WASF2: variants seen among roughly 807,000 people sequenced by gnomAD.
WASF2 encodes the protein actin-binding protein WASF2.
WASF2 carries 14 observed loss-of-function variants against 45.0 expected under a neutral mutation model. The ratio of observed to expected loss-of-function variants is 0.31; its 90% CI spans 0.21 to 0.49. WASF2 has a LOEUF of 0.49. WASF2 is among the 20% of genes least tolerant of loss of function. The pLI is 0.99. For synonymous variants in WASF2, 200 were observed against 236.3 expected, an observed-to-expected ratio of 0.85 and a Z score of 1.41; for missense variants, 439 against 636.1, an observed-to-expected ratio of 0.69 and a Z score of 3.33.
At chr1:27,443,905 T>C (rs944584519) in intron 1 of WASF2, among the ~76,000 whole-genome samples, 7 of 151,938 alleles carry the variant, frequency 4.6e-5, no homozygotes, top group African/African-American at 1.7e-4. Context: ...CTCAGCCTCA[T>C]GAGTAGCTGG....
intron 1 of WASF2, among the ~76,000 whole-genome samples, chr1:27,444,348 G>C (rs929728128): frequency 6.6e-6 from 1 of 152,154 alleles, no homozygotes; most frequent in African/African-American, 2.4e-5. Context: ...CCAAAGAGCT[G>C]GGATTACAGG....
chr1:27,412,629 G>T lies in WASF2; in HGVS notation c.767C>A (p.Ser256Tyr), dbSNP rs1203618781. Residue 256 changes from serine (S) to tyrosine (Y), a missense_variant, in exon 7 of 9, where the codon TCT (serine) becomes TAT (tyrosine). Physicochemically the swap from Ser to Tyr is moderately radical, Grantham distance 144. This residue lies in a region of WASF2 where 286 missense variants were observed against 373.5 expected (regional missense o/e 0.77). Coordinates refer to ENST00000618852, the MANE Select transcript of WASF2 (RefSeq NM_006990.5). ...YPPPPQSDSASSPSPSFSEDN... is the reference protein window; with the variant it reads ...YPPPPQSDSAYSPSPSFSEDN... ...CTCGGAGAAGGAAGGAGAAGGTGAAGAAGCAGAGTCTGACTGTGGTGGTGG... is the reference window on the plus strand; with the variant it reads ...CTCGGAGAAGGAAGGAGAAGGTGAATAAGCAGAGTCTGACTGTGGTGGTGG... 1 of 1,614,264 alleles carries T rather than the reference G, an allele frequency of 6.2e-7. No homozygotes were observed.
intron 1 of WASF2, among the ~76,000 whole-genome samples, chr1:27,480,757 G>A (rs537929875): frequency 3.2e-4 from 49 of 152,302 alleles, no homozygotes; most frequent in African/African-American, 1.1e-3. Context: ...GCTCACGCCT[G>A]TAATCCCAGC....
intron 1 of WASF2, among the ~76,000 whole-genome samples, chr1:27,430,913 C>T (rs1362185699): frequency 2.0e-5 from 3 of 151,324 alleles, no homozygotes; most frequent in African/African-American, 7.3e-5. Flanking sequence ...TTAAACCAAA[C>T]TAAATATTAC....
intron 1 of WASF2, among the ~76,000 whole-genome samples, chr1:27,485,858 T>G (rs1178474413): frequency 6.6e-6 from 1 of 152,136 alleles, no homozygotes; most frequent in African/African-American, 2.4e-5. Flanking sequence ...ATTACAGGCG[T>G]GCACCACCAC....
rs1167272071 is a variant in WASF2 at position 27,408,139 on chromosome 1, A to G, written c.*50T>C. The G allele has an allele frequency of 6.3e-7, 1 of 1,588,216 alleles. No individual in the cohort carries two copies. Among genetic ancestry groups the G allele is most frequent in the East Asian group, 2.3e-5 (1 of 44,394 alleles). ...GGGTCTGTTGGGGTTGGCATCAAAG[A>G]AGGCAGGTAGGAAGGAAAGAAAAAG... On this transcript the variant is annotated 3_prime_UTR_variant, in exon 9 of 9. Coordinates refer to ENST00000618852, the MANE Select transcript of WASF2 (RefSeq NM_006990.5).
At chr1:27,476,611 A>C (rs1355020601) in intron 1 of WASF2, among the ~76,000 whole-genome samples, 2 of 152,180 alleles carry the variant, frequency 1.3e-5, no homozygotes, top group African/African-American at 4.8e-5. Context: ...CCTCTTCCAG[A>C]GGCTTCTGAA....
At chr1:27,487,586 A>G (rs1481469796) in intron 1 of WASF2, among the ~76,000 whole-genome samples, 35 of 98,276 alleles carry the variant, frequency 3.6e-4, no homozygotes, top group African/African-American at 1.5e-3. Context: ...TATATTATAT[A>G]TATTTTATAT....
At chr1:27,468,980 C>A (rs1481163436) in intron 1 of WASF2, among the ~76,000 whole-genome samples, 1 of 149,916 alleles carries the variant, frequency 6.7e-6, no homozygotes, top group African/African-American at 2.5e-5. Flanking sequence ...AATGTATCAA[C>A]CTTGTCTGAA....
chr1:27,419,142 C>A, intron 2 of WASF2, 54 bp from the exon 3 acceptor site: 1 of 1,597,662 alleles, frequency 6.3e-7, no homozygotes, highest in South Asian at 1.1e-5. Flanking sequence ...CGTAAATGGT[C>A]ACAAAAACTG....
intron 1 of WASF2, among the ~76,000 whole-genome samples, chr1:27,460,776 A>G (rs2017533280): frequency 6.6e-6 from 1 of 152,212 alleles, no homozygotes; most frequent in African/African-American, 2.4e-5. Flanking sequence ...CAGAACATGA[A>G]TTCTGAAACC....
intron 1 of WASF2, among the ~76,000 whole-genome samples, chr1:27,452,274 G>A (rs899471706): frequency 6.6e-6 from 1 of 152,320 alleles, no homozygotes; most frequent in Admixed American, 6.5e-5. Flanking sequence ...CAACACTTTG[G>A]GAGACCAAGG....
chr1:27,454,960 T>G (rs1249514245), intron 1 of WASF2, among the ~76,000 whole-genome samples: 1 of 152,132 alleles, frequency 6.6e-6, no homozygotes, highest in Non-Finnish European at 1.5e-5. Flanking sequence ...GGTCCACATA[T>G]GTAAAGTTCT....
At chr1:27,442,018 A>G (rs1229177633) in intron 1 of WASF2, among the ~76,000 whole-genome samples, 1 of 151,078 alleles carries the variant, frequency 6.6e-6, no homozygotes, top group Non-Finnish European at 1.5e-5. Context: ...AGGCAAGAGG[A>G]TCCTTTAAGC....
chr1:27,425,226 CTACAGGTG>C (rs2016962181), intron 2 of WASF2, among the ~76,000 whole-genome samples: 1 of 152,186 alleles, frequency 6.6e-6, no homozygotes, highest in African/African-American at 2.4e-5. Context: ...CCAGCTAGGA[CTACAGGTG>C]TACAGCACCA....
At chr1:27,431,827 G>A (rs962472160) in intron 1 of WASF2, among the ~76,000 whole-genome samples, 2 of 152,140 alleles carry the variant, frequency 1.3e-5, no homozygotes, top group Non-Finnish European at 2.9e-5. Flanking sequence ...GGTTTACCTG[G>A]AACCAAGTTT....
chr1:27,446,473 A>C (rs1253571408), intron 1 of WASF2, among the ~76,000 whole-genome samples: 1 of 152,208 alleles, frequency 6.6e-6, no homozygotes, highest in Non-Finnish European at 1.5e-5. Context: ...CAAAAGCTTC[A>C]CTTGTAAAGA....
At chr1:27,445,000 C>T (rs2017293225) in intron 1 of WASF2, among the ~76,000 whole-genome samples, 1 of 152,186 alleles carries the variant, frequency 6.6e-6, no homozygotes, top group Non-Finnish European at 1.5e-5. Flanking sequence ...ATAGCAGTCA[C>T]TACAGTCTAT....
intron 1 of WASF2, among the ~76,000 whole-genome samples, chr1:27,466,755 T>C (rs1416094378): frequency 6.6e-6 from 1 of 152,000 alleles, no homozygotes; most frequent in East Asian, 1.9e-4. Context: ...TAGTCCTAGC[T>C]ACTTGGGAGG....
Sources: gnomAD v4.1 joint callset for allele counts (sites outside exome capture counted in the v4.1 genomes callset) on GRCh38, gnomAD v4.1.1 for gene constraint, gnomAD v4.1.1 regional missense constraint, MANE v1.5 for transcripts, NCBI Gene and HGNC (gene_info 2026-07-23, HGNC 2026-07-21) for gene names.